The following ARF3 variants were observed in gnomAD, a reference collection of about 807,000 sequenced individuals.
ARF3 encodes ADP-ribosylation factor 3.
ARF3 carries 5 observed loss-of-function variants against 19.3 expected under a neutral mutation model. That is an observed-to-expected ratio of 0.26 (90% CI 0.14 to 0.54). ARF3 has a LOEUF of 0.54. Ranked by LOEUF, ARF3 falls within the 20% of genes least tolerant of loss-of-function variation. The pLI is 0.95. For missense variants in ARF3, 77 were observed against 234.2 expected, an observed-to-expected ratio of 0.33 and a Z score of 4.38; for synonymous variants, 71 against 89.2, an observed-to-expected ratio of 0.80 and a Z score of 1.15.
intron 1 of ARF3, 88 bp from the exon 2 acceptor site, chr12:48,941,276 C>T: frequency 1.5e-6 from 1 of 681,790 alleles, no homozygotes. Flanking sequence ...GGCTAGAGTT[C>T]ATTCATGACA....
chr12:48,941,265 T>C (rs867337489), intron 1 of ARF3, 77 bp from the exon 2 acceptor site: 3 of 762,200 alleles, frequency 3.9e-6, no homozygotes, highest in Non-Finnish European at 6.1e-6. Context: ...CCCAAGGTCA[T>C]GGCTAGAGTT....
rs114350206 is a variant in ARF3, at chr12:48,952,776, G to A, written c.-94+4534C>T. Reference sequence around the variant, plus strand: ...GAATAAGAGTTACCTGCGATCCCTCGGCATCCCAAACACACTTCTACTCTA... The same window carrying A: ...GAATAAGAGTTACCTGCGATCCCTCAGCATCCCAAACACACTTCTACTCTA... On this transcript the variant is annotated intron_variant, in intron 1 of 4. Transcript: ENST00000256682. Among the ~76,000 whole-genome samples, 153 of 152,244 alleles carry A rather than the reference G, an allele frequency of 1.0e-3. 1 individual carries two copies. The highest frequency in any genetic ancestry group is 3.5e-3 in the African/African-American group (146 of 41,536).
At position 48,940,256 on chromosome 12, in the gene ARF3, G is replaced by A. The variant is rs145084512; in HGVS notation, c.149-149C>T. The stretch of plus-strand genomic sequence containing the variant: ...TAAGGCTTCCTCAGACCTGATAATC[G>A]TTAAGCTAGCAGCCTGAAGGCCAAA... On this transcript the variant is annotated intron_variant, in intron 2 of 4. Transcript: ENST00000256682. 61 of 680,652 alleles carry A rather than the reference G, an allele frequency of 9.0e-5. No individual in the cohort carries two copies. The East Asian group carries it at 9.7e-4, about 11-fold the overall frequency. The allele number at this position is 680,652 out of a possible 1,614,324, so 42.2% of individuals were successfully genotyped here.
At chr12:48,954,550 AC>A (rs1940526781) in intron 1 of ARF3, among the ~76,000 whole-genome samples, 1 of 152,324 alleles carries the variant, frequency 6.6e-6, no homozygotes, top group African/African-American at 2.4e-5. Context: ...TCTCTTGAAA[AC>A]CATATGTCAT....
At chr12:48,949,735 A>G (rs1940429451) in intron 1 of ARF3, among the ~76,000 whole-genome samples, 1 of 151,444 alleles carries the variant, frequency 6.6e-6, no homozygotes, top group Admixed American at 6.6e-5. Context: ...TGTAGAGACA[A>G]GGTCTTGCTA....
At position 48,938,905 on chromosome 12, in the gene ARF3, T is replaced by C. The variant is rs202241328; in HGVS notation, c.*42A>G. 31 of 1,598,094 alleles carry C rather than the reference T, an allele frequency of 1.9e-5. No individual in the cohort carries two copies. The African/African-American group carries it at 4.2e-4, about 21-fold the overall frequency. ...GACTGGGGCAGGGTGACAGTAGGTA[T>C]GTCAGGGGTGGGTGGGGTGCTTTGT... On this transcript the variant is annotated 3_prime_UTR_variant, in exon 5 of 5. Coordinates refer to ENST00000256682, the MANE Select transcript of ARF3 (RefSeq NM_001659.3).
intron 1 of ARF3, among the ~76,000 whole-genome samples, chr12:48,948,817 AAAAG>A (rs762626531): frequency 3.3e-5 from 5 of 152,106 alleles, no homozygotes; most frequent in Admixed American, 2.0e-4. Flanking sequence ...TCTCAAAAAA[AAAAG>A]AAAGAAAGAA....
At chr12:48,950,162 G>A (rs1207722363) in intron 1 of ARF3, among the ~76,000 whole-genome samples, 2 of 152,150 alleles carry the variant, frequency 1.3e-5, no homozygotes, top group Non-Finnish European at 2.9e-5. Flanking sequence ...ACGCAATCCT[G>A]AGTAACTGGG....
chr12:48,948,270 C>CTTTTTTTTTTTTTTTTTTT (rs35020764), intron 1 of ARF3, among the ~76,000 whole-genome samples: 1 of 145,366 alleles, frequency 6.9e-6, no homozygotes, highest in Non-Finnish European at 1.5e-5. Flanking sequence ...TTTATATAAT[C>CTTTTTTTTTTTTTTTTTTT]TTTTTTTTTT....
chr12:48,949,493 G>A (rs997475397), intron 1 of ARF3, among the ~76,000 whole-genome samples: 1 of 152,076 alleles, frequency 6.6e-6, no homozygotes, highest in African/African-American at 2.4e-5. Flanking sequence ...CCAAAGTGCT[G>A]GGATTACAGG....
chr12:48,950,244 G>T (rs562145143), intron 1 of ARF3, among the ~76,000 whole-genome samples: 1 of 151,200 alleles, frequency 6.6e-6, no homozygotes, highest in African/African-American at 2.4e-5. Flanking sequence ...CACCCAAGCT[G>T]GAGTGCAGTG....
At chr12:48,949,997 G>GA (rs2137591302) in intron 1 of ARF3, among the ~76,000 whole-genome samples, 1 of 152,258 alleles carries the variant, frequency 6.6e-6, no homozygotes, top group South Asian at 2.1e-4. Flanking sequence ...AGAAAAATGG[G>GA]AAAAACTCAG....
At chr12:48,948,042 C>CA (rs768612497) in intron 1 of ARF3, among the ~76,000 whole-genome samples, 5,741 of 73,106 alleles carry the variant, frequency 0.079, 171 homozygotes, top group Non-Finnish European at 0.11. Context: ...CCCATCGCTA[C>CA]AAAAAAAAAA....
chr12:48,951,891 C>A (rs11168801), intron 1 of ARF3, among the ~76,000 whole-genome samples: 1 of 149,980 alleles, frequency 6.7e-6, no homozygotes, highest in Admixed American at 6.6e-5. Context: ...AAAAAAAAAA[C>A]TAATTAAAAT....
chr12:48,936,545 C>A lies in ARF3; in HGVS notation c.*2402G>T, dbSNP rs1940145064. ...CCACCCCTGCCAAGGGCTTAGCAGC[C>A]AGGGATACTACCAAGATCACTTACT... is the stretch of plus-strand genomic sequence containing the variant. On this transcript the variant is annotated 3_prime_UTR_variant, in exon 5 of 5. Transcript: ENST00000256682. 1 of 152,646 alleles carries A rather than the reference C, an allele frequency of 6.6e-6. No homozygotes were observed. Among genetic ancestry groups the A allele is most frequent in the Admixed American group, 6.5e-5 (1 of 15,276 alleles). 9.5% of individuals were successfully genotyped at this position (152,646 alleles called of 1,614,324 possible).
At chr12:48,954,765 A>T (rs1940529904) in intron 1 of ARF3, among the ~76,000 whole-genome samples, 1 of 152,150 alleles carries the variant, frequency 6.6e-6, no homozygotes, top group African/African-American at 2.4e-5. Flanking sequence ...CATGCCTGTA[A>T]TCTCAGCACT....
intron 1 of ARF3, chr12:48,955,771 G>A (rs962376478): frequency 1.3e-5 from 2 of 152,190 alleles, no homozygotes; most frequent in African/African-American, 4.8e-5. Flanking sequence ...CTTTGGAAAA[G>A]CAAGATAGAC....
At chr12:48,940,816 ACC>A in intron 2 of ARF3, 130 bp downstream of exon 2, 1 of 1,205,720 alleles carries the variant, frequency 8.3e-7, no homozygotes, top group Non-Finnish European at 1.1e-6. Context: ...AAACAACACC[ACC>A]CTCTTTTCTG....
chr12:48,953,504 G>C (rs1020667540), intron 1 of ARF3, among the ~76,000 whole-genome samples: 4 of 151,990 alleles, frequency 2.6e-5, no homozygotes, highest in Admixed American at 6.6e-5. Flanking sequence ...AAGCATTCAC[G>C]CTTGACACTC....
Sources: gnomAD v4.1 joint callset for allele counts (sites outside exome capture counted in the v4.1 genomes callset) on GRCh38, gnomAD v4.1.1 for gene constraint, MANE v1.5 for transcripts, NCBI Gene and HGNC (gene_info 2026-07-23, HGNC 2026-07-21) for gene names.